LRIG1: variants seen among roughly 807,000 people sequenced by gnomAD.
LRIG1 encodes leucine-rich repeats and immunoglobulin-like domains protein 1.
In LRIG1, 48 loss-of-function variants were observed where a neutral mutation model predicts 99.2. The ratio of observed to expected loss-of-function variants is 0.48; its 90% confidence interval spans 0.38 to 0.62. The LOEUF is 0.62. Ranked by LOEUF, LRIG1 falls within the 20% of genes least tolerant of loss-of-function variation. The probability of loss-of-function intolerance (pLI) is 0.00; values close to 1 mark genes in which losing one functional copy is unlikely to be tolerated. For missense variants in LRIG1, 1,646 were observed against 1,434.4 expected (o/e 1.15, Z -2.38); for synonymous variants, 772 against 596.1 (o/e 1.29, Z -4.30).
chr3:66,430,316 G>A (rs1406387253), intron 3 of LRIG1, among the ~76,000 whole-genome samples: 1 of 152,206 alleles, frequency 6.6e-6, no homozygotes, highest in Non-Finnish European at 1.5e-5. Context: ...CTATTTAAAA[G>A]CAAATGTCGA....
Position 66,412,904 on chromosome 3 carries a change from C to T in LRIG1, c.758G>A (p.Gly253Glu). Reference sequence around the variant, plus strand: ...CATCTTGGACAGTCCCCAGAAGGCCCCATCTGTCAGTTTGCTGATGTTGTT... The same window carrying T: ...CATCTTGGACAGTCCCCAGAAGGCCTCATCTGTCAGTTTGCTGATGTTGTT... ...QRNNISKLTDGAFWGLSKMHV... is the reference protein window; with the variant it reads ...QRNNISKLTDEAFWGLSKMHV... The change falls in exon 6 of 19, where the codon GGG (glycine) becomes GAG (glutamate). Residue 253 changes from glycine (G) to glutamate (E), a missense_variant. Coordinates refer to ENST00000273261, the MANE Select transcript of LRIG1 (RefSeq NM_015541.3). 2 of 1,614,220 alleles carry T rather than the reference C, an allele frequency of 1.2e-6. No individual in the cohort carries two copies. The highest frequency in any genetic ancestry group is 1.7e-6 in the Non-Finnish European group (2 of 1,180,034).
At chr3:66,385,957 A>G (rs969574934) in intron 13 of LRIG1, 24 bp downstream of exon 13, 2 of 1,598,962 alleles carry the variant, frequency 1.3e-6, no homozygotes, top group Non-Finnish European at 8.6e-7. Flanking sequence ...TTCTGGTACT[A>G]TAACAAAGAT....
rs899409276 is a variant in LRIG1, at chr3:66,380,294, C to T, written c.3251G>A (p.Arg1084Lys). ...TTTTGGTGCCAACAGCAGTGGCACC[C>T]TCTGTTTCCCGGGGAGCTGTCCTGT... ...PLTGQLPGKQRVPLLLAPKS is the reference protein window; with the variant it reads ...PLTGQLPGKQKVPLLLAPKS Residue 1084 changes from arginine to lysine, a missense_variant, in exon 19 of 19, where the codon AGG (arginine) becomes AAG (lysine). Transcript: ENST00000273261. 1.2e-6 allele frequency: 2 copies of T among 1,613,710 alleles called. No individual in the cohort carries two copies. Among genetic ancestry groups the T allele is most frequent in the Admixed American group, 1.7e-5 (1 of 60,022 alleles).
Position 66,407,473 on chromosome 3 carries a change from G to T in LRIG1, c.954C>A (p.Asn318Lys), listed in dbSNP as rs1702310294. The T allele has an allele frequency of 6.2e-7, 1 of 1,613,942 alleles. No individual in the cohort carries two copies. The highest frequency in any genetic ancestry group is 1.3e-5 in the African/African-American group (1 of 74,926). The stretch of plus-strand genomic sequence containing the variant: ...GGCTCTCCTCGTCCAGCCGTGTCAG[G>T]TTGTTGAAGGACAGGACCCTGAGGA... ...KLHELVLSFN[N>K]LTRLDEESLA... The change falls in exon 8 of 19, where the codon AAC (asparagine) becomes AAA (lysine). Residue 318 changes from asparagine to lysine, a missense_variant. Physicochemically the swap from Asn to Lys is moderately conservative, Grantham distance 94 (BLOSUM62 0). Transcript: ENST00000273261.
chr3:66,380,053 A>ATGAT lies in LRIG1; in HGVS notation c.*206_*209dup, dbSNP rs1443239164. 3 of 481,808 alleles carry ATGAT rather than the reference A, an allele frequency of 6.2e-6. No individual in the cohort carries two copies. The highest frequency in any genetic ancestry group is 1.1e-5 in the Non-Finnish European group (3 of 271,410). 29.8% of individuals were successfully genotyped at this position (481,808 alleles called of 1,614,324 possible). A position where few individuals can be genotyped will look rare whatever the true frequency, so the allele number is the denominator to read the frequency against. On this transcript the variant is annotated 3_prime_UTR_variant, in exon 19 of 19. Coordinates refer to ENST00000273261, the MANE Select transcript of LRIG1 (RefSeq NM_015541.3). ...AAATCTCTGAAAACTCTTATGTACA[A>ATGAT]TGATATCAAATACTTTTTTTGCCTT...
intron 1 of LRIG1, among the ~76,000 whole-genome samples, chr3:66,468,585 G>A (rs536890499): frequency 1.3e-5 from 2 of 152,156 alleles, no homozygotes; most frequent in Non-Finnish European, 2.9e-5. Context: ...AAGTAAGTGT[G>A]AGGCAATCCA....
rs139090968 is a variant in LRIG1 at position 66,403,982 on chromosome 3, G to A, written c.1160+1216C>T. Among the ~76,000 whole-genome samples, 502 of 152,290 alleles carry A rather than the reference G, an allele frequency of 3.3e-3. 2 individuals are homozygous for A. The highest frequency in any genetic ancestry group is 9.2e-3 in the African/African-American group (381 of 41,568). On this transcript the variant is annotated intron_variant, in intron 9 of 18. Transcript: ENST00000273261. ...TTCTGGCTCTTCCCAGGTTTGCCCC[G>A]TATGGGATAAAAAGGGGTCACGTAT...
intron 5 of LRIG1, among the ~76,000 whole-genome samples, chr3:66,413,969 G>C (rs749156864): frequency 3.3e-5 from 5 of 150,288 alleles, no homozygotes; most frequent in Admixed American, 2.6e-4. Flanking sequence ...AGAGGGCACA[G>C]GAAAAAAAAA....
At chr3:66,421,411 G>A (rs1007530292) in intron 3 of LRIG1, among the ~76,000 whole-genome samples, 4 of 152,192 alleles carry the variant, frequency 2.6e-5, no homozygotes, top group Non-Finnish European at 5.9e-5. Context: ...GGTAAATATA[G>A]CCATTCCAAC....
At chr3:66,383,917 C>CA in intron 14 of LRIG1, 74 bp downstream of exon 14, 1 of 1,551,824 alleles carries the variant, frequency 6.4e-7, no homozygotes, top group South Asian at 1.2e-5. Context: ...CCCCTGGCCA[C>CA]ACAGAGCATT....
intron 17 of LRIG1, 30 bp downstream of exon 17, chr3:66,381,449 A>G: frequency 1.3e-6 from 2 of 1,596,304 alleles, no homozygotes; most frequent in Non-Finnish European, 1.7e-6. Flanking sequence ...TTTCAGAAAG[A>G]AACTACTTCC....
In LRIG1 at chr3:66,410,975, A is replaced by G. The variant is rs561200329; in HGVS notation, c.792-703T>C. 5.3e-5 allele frequency among the ~76,000 whole-genome samples: 8 copies of G among 152,330 alleles called. No individual in the cohort carries two copies. The South Asian group carries it at 1.5e-3, about 28-fold the overall frequency. Reference sequence around the variant, plus strand: ...TTAGCTCTGGCGTCAGACTACCTGGATTTAAATCCTAATTTTGCAGCTTGC... The same window carrying G: ...TTAGCTCTGGCGTCAGACTACCTGGGTTTAAATCCTAATTTTGCAGCTTGC... On this transcript the variant is annotated intron_variant, in intron 6 of 18. Coordinates refer to ENST00000273261, the MANE Select transcript of LRIG1 (RefSeq NM_015541.3).
intron 13 of LRIG1, among the ~76,000 whole-genome samples, chr3:66,385,561 T>C (rs1191094646): frequency 6.6e-6 from 1 of 152,218 alleles, no homozygotes; most frequent in Non-Finnish European, 1.5e-5. Context: ...CAAGCAATTC[T>C]TGTGCCTCAG....
In LRIG1 at chr3:66,381,487, T is replaced by C. The variant is rs767585492; in HGVS notation, c.2762A>G (p.His921Arg). 60 of 1,613,076 alleles carry C rather than the reference T, an allele frequency of 3.7e-5. No individual in the cohort carries two copies. The highest frequency in any genetic ancestry group is 1.6e-4 in the Middle Eastern group (1 of 6,078). ...MEKAEGTPGP[H>R]KMEHGGRVVC... ...TGGGAAGCATCTCATACCCATCTTATGTGGCCCAGGTGTCCCTTCAGCTTT... is the reference window on the plus strand; with the variant it reads ...TGGGAAGCATCTCATACCCATCTTACGTGGCCCAGGTGTCCCTTCAGCTTT... The change falls in exon 17 of 19, where the codon CAT (histidine) becomes CGT (arginine). Residue 921 changes from histidine (H) to arginine (R), a missense_variant. Physicochemically the swap from His to Arg is conservative, Grantham distance 29 (BLOSUM62 0). Coordinates refer to ENST00000273261, the MANE Select transcript of LRIG1 (RefSeq NM_015541.3).
chr3:66,406,023 T>C (rs912007903), intron 8 of LRIG1: 1 of 988,366 alleles, frequency 1.0e-6, no homozygotes, highest in African/African-American at 1.7e-5. Flanking sequence ...TCTCCAACTT[T>C]CCACAAGGTT....
At chr3:66,493,816 A>G (rs1480232180) in intron 1 of LRIG1, among the ~76,000 whole-genome samples, 3 of 151,556 alleles carry the variant, frequency 2.0e-5, no homozygotes, top group Admixed American at 1.3e-4. Context: ...AGAAAGAAAG[A>G]AAGGAAAGAA....
chr3:66,380,550 A>C, intron 18 of LRIG1, 27 bp downstream of exon 18: 1 of 1,613,126 alleles, frequency 6.2e-7, no homozygotes, highest in Non-Finnish European at 8.5e-7. Flanking sequence ...CTCCCAACCC[A>C]CCTGTTAGAA....
At chr3:66,487,718 G>C (rs905297439) in intron 1 of LRIG1, among the ~76,000 whole-genome samples, 6 of 152,174 alleles carry the variant, frequency 3.9e-5, no homozygotes, top group African/African-American at 1.2e-4. Context: ...GAGTAACAGG[G>C]AGAGTGTGTG....
chr3:66,414,208 T>A (rs1479947322), intron 5 of LRIG1, among the ~76,000 whole-genome samples: 1 of 151,984 alleles, frequency 6.6e-6, no homozygotes, highest in East Asian at 1.9e-4. Flanking sequence ...CCATCCTGGG[T>A]AACAAGGTGA....
Sources: allele counts gnomAD v4.1 joint callset (sites outside exome capture counted in the v4.1 genomes callset), GRCh38; gene constraint gnomAD v4.1.1; transcripts MANE v1.5; gene names NCBI Gene and HGNC (gene_info 2026-07-23, HGNC 2026-07-21).